The following ST8SIA1 variants were observed in gnomAD, a reference collection of about 807,000 sequenced individuals.
The protein encoded by ST8SIA1 is ST8 alpha-N-acetyl-neuraminide alpha-2,8-sialyltransferase 1.
A neutral mutation model predicts 35.9 loss-of-function variants in ST8SIA1; 16 were observed. The observed-to-expected ratio is 0.45, with a 90% CI of 0.30 to 0.68. The LOEUF (loss-of-function observed/expected upper bound fraction) is 0.68, where lower values mean the gene tolerates loss of function less well. Among genes scored for constraint, ST8SIA1 ranks in the 30% least tolerant of loss-of-function variants. The pLI is 0.09. For missense variants in ST8SIA1, 383 were observed against 453.6 expected, an observed-to-expected ratio of 0.84 and a Z score of 1.41; for synonymous variants, 170 against 169.6, an observed-to-expected ratio of 1.00 and a Z score of -0.02.
chr12:22,330,823 G>T (rs1029702608), intron 1 of ST8SIA1, among the ~76,000 whole-genome samples: 1 of 152,136 alleles, frequency 6.6e-6, no homozygotes, highest in East Asian at 1.9e-4. Flanking sequence ...CTGAATTCAG[G>T]TTCATTTCTG....
At chr12:22,274,022 T>C (rs1865942019) in intron 2 of ST8SIA1, among the ~76,000 whole-genome samples, 2 of 152,116 alleles carry the variant, frequency 1.3e-5, no homozygotes, top group South Asian at 4.1e-4. Flanking sequence ...CAATGTAAGT[T>C]AATTAGGTAA....
At chr12:22,321,524 G>A (rs1312001263) in intron 1 of ST8SIA1, among the ~76,000 whole-genome samples, 1 of 152,206 alleles carries the variant, frequency 6.6e-6, no homozygotes, top group Non-Finnish European at 1.5e-5. Flanking sequence ...AGAGGTTCTA[G>A]AGCCTGAGCA....
chr12:22,304,032 C>T (rs750979055), intron 1 of ST8SIA1, among the ~76,000 whole-genome samples: 35 of 152,214 alleles, frequency 2.3e-4, no homozygotes, highest in Non-Finnish European at 5.9e-5. Flanking sequence ...TGTCGTCTCA[C>T]GCTGCTGTTC....
chr12:22,307,508 A>G (rs932177941), intron 1 of ST8SIA1, among the ~76,000 whole-genome samples: 2 of 152,162 alleles, frequency 1.3e-5, no homozygotes, highest in Non-Finnish European at 2.9e-5. Flanking sequence ...CAGTCTTCTA[A>G]CAGATGGGAA....
intron 1 of ST8SIA1, among the ~76,000 whole-genome samples, chr12:22,298,929 C>T (rs1276069417): frequency 6.6e-6 from 1 of 151,844 alleles, no homozygotes; most frequent in Admixed American, 6.6e-5. Flanking sequence ...TTTTTTTAAA[C>T]TTGGAAGCAT....
chr12:22,254,232 T>C (rs1865704141), intron 3 of ST8SIA1, among the ~76,000 whole-genome samples: 1 of 152,160 alleles, frequency 6.6e-6, no homozygotes, highest in African/African-American at 2.4e-5. Flanking sequence ...AAATGTTTTC[T>C]TTTTCTACAA....
chr12:22,286,164 ACTT>A (rs1316732304), intron 2 of ST8SIA1, among the ~76,000 whole-genome samples: 1 of 152,216 alleles, frequency 6.6e-6, no homozygotes, highest in African/African-American at 2.4e-5. Flanking sequence ...TAAAGCTTCT[ACTT>A]CTTATTTCAA....
intron 4 of ST8SIA1, among the ~76,000 whole-genome samples, chr12:22,247,740 C>T (rs534958688): frequency 2.0e-5 from 3 of 151,372 alleles, no homozygotes; most frequent in East Asian, 1.9e-4. Context: ...CAAGTCTCAT[C>T]GCATAAAAAA....
chr12:22,229,980 G>C (rs1865399643), intron 4 of ST8SIA1, among the ~76,000 whole-genome samples: 1 of 152,230 alleles, frequency 6.6e-6, no homozygotes, highest in East Asian at 1.9e-4. Flanking sequence ...AGAATATCAA[G>C]AATGCAGAAA....
chr12:22,255,306 T>G lies in ST8SIA1; in HGVS notation c.465A>C (p.Gln155His), dbSNP rs2135796245. 1 of 1,614,192 alleles carries G rather than the reference T, an allele frequency of 6.2e-7. No homozygotes were observed. The highest frequency in any genetic ancestry group is 1.7e-5 in the Admixed American group (1 of 60,030). ...GILKKSGCGR[Q>H]IDEANFVMRC... ...GCATGACAAAATTTGCTTCATCTAT[T>G]TGACGGCCACAGCCACTCTTCTTCA... is the stretch of plus-strand genomic sequence containing the variant. The change falls in exon 3 of 5, where the codon CAA becomes CAC. Residue 155 changes from glutamine (Q) to histidine (H), a missense_variant. Transcript: ENST00000396037.
chr12:22,255,197 A>T, intron 3 of ST8SIA1, 83 bp downstream of exon 3: 1 of 1,049,018 alleles, frequency 9.5e-7, no homozygotes, highest in Non-Finnish European at 1.5e-6. Flanking sequence ...ACAAGTGACT[A>T]GTTTTGAAAA....
Position 22,199,379 on chromosome 12 carries a change from G to T in ST8SIA1, c.*2173C>A, listed in dbSNP as rs890770330. 1 of 151,658 alleles carries T rather than the reference G, an allele frequency of 6.6e-6. No individual in the cohort carries two copies. Among genetic ancestry groups the T allele is most frequent in the Non-Finnish European group, 1.5e-5 (1 of 67,914 alleles). 9.4% of individuals were successfully genotyped at this position (151,658 alleles called of 1,614,324 possible). A position where few individuals can be genotyped will look rare whatever the true frequency, so the allele number is the denominator to read the frequency against. ...TAACATTTTATTAACTTTTATATGCGTTTTTGTTAAGCCTTTTATATTTTT... is the reference window on the plus strand; with the variant it reads ...TAACATTTTATTAACTTTTATATGCTTTTTTGTTAAGCCTTTTATATTTTT... On this transcript the variant is annotated 3_prime_UTR_variant, in exon 5 of 5. Coordinates refer to ENST00000396037, the MANE Select transcript of ST8SIA1 (RefSeq NM_003034.4).
intron 1 of ST8SIA1, chr12:22,325,760 ATAAC>A: frequency 1.5e-6 from 1 of 653,948 alleles, no homozygotes; most frequent in East Asian, 2.7e-5. Flanking sequence ...ATGAACAATA[ATAAC>A]TAATAATAAA....
intron 4 of ST8SIA1, among the ~76,000 whole-genome samples, chr12:22,233,979 G>T (rs1591830576): frequency 1.3e-5 from 2 of 151,842 alleles, no homozygotes; most frequent in South Asian, 4.2e-4. Flanking sequence ...ATATTATTTG[G>T]CTGGGTGCAG....
At position 22,201,348 on chromosome 12, in the gene ST8SIA1, A is replaced by G; in HGVS notation, c.*204T>C. On this transcript the variant is annotated 3_prime_UTR_variant, in exon 5 of 5. Coordinates refer to ENST00000396037, the MANE Select transcript of ST8SIA1 (RefSeq NM_003034.4). The stretch of plus-strand genomic sequence containing the variant: ...TAGTTGCAAATCTGCCATGTGCTAT[A>G]AAGTATTTCATAGGATGTTTCATTT... The G allele has an allele frequency of 1.6e-6, 1 of 613,292 alleles. No homozygotes were observed. Among genetic ancestry groups the G allele is most frequent in the Non-Finnish European group, 2.7e-6 (1 of 375,830 alleles). The allele number at this position is 613,292 out of a possible 1,614,324, so 38.0% of individuals were successfully genotyped here. A position where few individuals can be genotyped will look rare whatever the true frequency, so the allele number is the denominator to read the frequency against.
chr12:22,208,134 A>AC (rs1188161138), intron 4 of ST8SIA1, among the ~76,000 whole-genome samples: 1 of 120,812 alleles, frequency 8.3e-6, no homozygotes, highest in Non-Finnish European at 1.8e-5. Context: ...TGTCTGTCTC[A>AC]CAAAAAAAAA....
At chr12:22,333,503 C>T (rs1323838029) in intron 1 of ST8SIA1, among the ~76,000 whole-genome samples, 1 of 152,220 alleles carries the variant, frequency 6.6e-6, no homozygotes, top group African/African-American at 2.4e-5. Context: ...GGGCACACTG[C>T]GCAAAGCTGC....
chr12:22,295,093 A>T (rs1280368210), intron 1 of ST8SIA1, among the ~76,000 whole-genome samples: 2 of 152,080 alleles, frequency 1.3e-5, no homozygotes, highest in Non-Finnish European at 2.9e-5. Context: ...GGTAGGGGGG[A>T]CACCTTGCCT....
chr12:22,311,726 AT>A (rs1260532898), intron 1 of ST8SIA1, among the ~76,000 whole-genome samples: 19 of 152,276 alleles, frequency 1.2e-4, no homozygotes, highest in African/African-American at 4.6e-4. Context: ...TAAATCCTAA[AT>A]TTGGGAAACT....
Sources: allele counts gnomAD v4.1 joint callset (sites outside exome capture counted in the v4.1 genomes callset), GRCh38; gene constraint gnomAD v4.1.1; transcripts MANE v1.5; gene names NCBI Gene and HGNC (gene_info 2026-07-23, HGNC 2026-07-21).